The following ZNF211 variants were observed in gnomAD, a reference collection of about 807,000 sequenced individuals.
The protein encoded by ZNF211 is zinc finger protein 211.
A neutral mutation model predicts 12.1 loss-of-function variants in ZNF211; 18 were observed. The observed-to-expected ratio is 1.48, with a 90% CI of 1.03 to 2.20. ZNF211 has a LOEUF of 2.20. Ranked by LOEUF, ZNF211 falls within the 30% of genes most tolerant of loss-of-function variation. The pLI is 0.00. For synonymous variants in ZNF211, 249 were observed against 246.0 expected, an observed-to-expected ratio of 1.01 and a Z score of -0.11; for missense variants, 677 against 703.1, an observed-to-expected ratio of 0.96 and a Z score of 0.42.
chr19:57,642,803 G>C lies in ZNF211; in HGVS notation c.*622G>C, dbSNP rs963814658. Reference sequence around the variant, plus strand: ...TGGCATTTGATTCACTCTTTGAGGTGGTTCAAAAACAGAATCGGGCCCTGC... The same window carrying C: ...TGGCATTTGATTCACTCTTTGAGGTCGTTCAAAAACAGAATCGGGCCCTGC... On this transcript the variant is annotated 3_prime_UTR_variant, in exon 4 of 4. Transcript: ENST00000240731. 1.3e-5 allele frequency: 2 copies of C among 152,332 alleles called. No individual in the cohort carries two copies. The highest frequency in any genetic ancestry group is 6.5e-5 in the Admixed American group (1 of 15,298). 9.4% of individuals were successfully genotyped at this position (152,332 alleles called of 1,614,324 possible).
rs748240852 is a variant in ZNF211, at chr19:57,640,811, G to C, written c.364G>C (p.Ala122Pro). ...CAAAGAAGGTTCATCTTCCCAGAATGCCGACTCCTGTGAAATATGTTGCCT... is the reference window on the plus strand; with the variant it reads ...CAAAGAAGGTTCATCTTCCCAGAATCCCGACTCCTGTGAAATATGTTGCCT... ...TSKEGSSSQN[A>P]DSCEICCLVL... is the part of the protein sequence containing the mutation. Residue 122 changes from alanine (A) to proline (P), a missense_variant, in exon 4 of 4, where the codon GCC becomes CCC. Physicochemically the swap from Ala to Pro is conservative, Grantham distance 27. Transcript: ENST00000240731. The C allele has an allele frequency of 3.1e-6, 5 of 1,614,084 alleles. No individual in the cohort carries two copies. The Admixed American group carries it at 6.7e-5, about 22-fold the overall frequency.
Position 57,641,926 on chromosome 19 carries a change from T to C in ZNF211, c.1479T>C (p.Pro493=). Residue 493 remains proline (P), a synonymous_variant, in exon 4 of 4, where the codon CCT becomes CCC. Transcript: ENST00000240731. The part of the protein sequence containing the change: ...NHQRVHTGER[P]VECSECSKSF... ...AGAGAGTTCACACTGGAGAAAGACC[T>C]GTTGAGTGCAGTGAATGTAGCAAAT... is the stretch of plus-strand genomic sequence containing the variant. The C allele has an allele frequency of 6.2e-7, 1 of 1,614,152 alleles. No homozygotes were observed. Among genetic ancestry groups the C allele is most frequent in the Non-Finnish European group, 8.5e-7 (1 of 1,180,016 alleles).
At chr19:57,634,238 AT>A in intron 2 of ZNF211, 177 bp downstream of exon 2, 1 of 631,674 alleles carries the variant, frequency 1.6e-6, no homozygotes, top group Non-Finnish European at 2.5e-6. Flanking sequence ...CAATGTTTCC[AT>A]TTGGAGCAGC....
chr19:57,639,381 A>G lies in ZNF211; in HGVS notation c.257-1323A>G, dbSNP rs58196803. On this transcript the variant is annotated intron_variant, in intron 3 of 3. Coordinates refer to ENST00000240731, the MANE Select transcript of ZNF211 (RefSeq NM_006385.5). ...TTTTTTTTTTTTTTTTTTTTAGTGA[A>G]ACTTCCCTTGTCATTTCCTTTATGT... Among the ~76,000 whole-genome samples the G allele has an allele frequency of 1.7e-3, 149 of 86,508 alleles. 8 individuals carry two copies. In the East Asian group the frequency reaches 0.043, roughly 25 times the overall value. 56.8% of individuals were successfully genotyped at this position (86,508 alleles called of 152,430 possible).
intron 3 of ZNF211, chr19:57,640,015 T>A (rs1982683954): frequency 6.5e-7 from 1 of 1,535,862 alleles, no homozygotes; most frequent in Admixed American, 2.0e-5. Flanking sequence ...CAAGATGGGA[T>A]CAGAGAGGGC....
At chr19:57,633,542 G>A in intron 1 of ZNF211, 106 bp downstream of exon 1, 3 of 1,494,236 alleles carry the variant, frequency 2.0e-6, no homozygotes, top group Non-Finnish European at 2.7e-6. Flanking sequence ...ACTGAGGCTC[G>A]TGGGTGGGGC....
intron 1 of ZNF211, chr19:57,633,650 ACCTGGG>A: frequency 2.6e-6 from 4 of 1,534,142 alleles, no homozygotes; most frequent in Non-Finnish European, 3.5e-6. Flanking sequence ...GCATTCAGGA[ACCTGGG>A]CTCCACATTG....
In ZNF211 at chr19:57,634,136, A is replaced by T; in HGVS notation, c.129+75A>T. On this transcript the variant is annotated intron_variant, in intron 2 of 3. Transcript: ENST00000240731. ...CTCCCCAGACAGATATTTTCTTTAGATTTGTGGTGTCATGGGACTCACCTA... is the reference window on the plus strand; with the variant it reads ...CTCCCCAGACAGATATTTTCTTTAGTTTTGTGGTGTCATGGGACTCACCTA... 6.8e-6 allele frequency: 10 copies of T among 1,464,116 alleles called. No homozygotes were observed. The South Asian group carries it at 1.4e-4, about 21-fold the overall frequency. 90.7% of individuals were successfully genotyped at this position (1,464,116 alleles called of 1,614,324 possible).
At chr19:57,634,158 C>G in intron 2 of ZNF211, 97 bp downstream of exon 2, 4 of 1,337,534 alleles carry the variant, frequency 3.0e-6, no homozygotes, top group Non-Finnish European at 4.0e-6. Flanking sequence ...ATGGGACTCA[C>G]CTACCATTCT....
At position 57,642,009 on chromosome 19, in the gene ZNF211, C is replaced by T. The variant is rs772904034; in HGVS notation, c.1562C>T (p.Pro521Leu). 6.2e-7 allele frequency: 1 copy of T among 1,614,070 alleles called. No homozygotes were observed. Among genetic ancestry groups the T allele is most frequent in the Non-Finnish European group, 8.5e-7 (1 of 1,180,036 alleles). ...CTGAGAGTTCACACTGGAGAAAGGC[C>T]TTATGAGTGCAGTGAATGTGGGAAA... ...KHLRVHTGER[P>L]YECSECGKSF... The change falls in exon 4 of 4, where the codon CCT becomes CTT. Residue 521 changes from proline to leucine, a missense_variant. Pro to Leu is a moderately conservative substitution (Grantham distance 98). Transcript: ENST00000240731.
In ZNF211 at chr19:57,638,250, G is replaced by A. The variant is rs566105194; in HGVS notation, c.257-2454G>A. 2.0e-3 allele frequency among the ~76,000 whole-genome samples: 256 copies of A among 125,388 alleles called. 4 individuals are homozygous for A. Among genetic ancestry groups the A allele is most frequent in the African/African-American group, 7.0e-3 (237 of 33,778 alleles). 82.3% of individuals were successfully genotyped at this position (125,388 alleles called of 152,430 possible). A position where few individuals can be genotyped will look rare whatever the true frequency, so the allele number is the denominator to read the frequency against. ...CAAAGAAACACCTTTTGGTTTTGTTGATTTTTTTTTTATATTGTTTTTCTC... is the reference window on the plus strand; with the variant it reads ...CAAAGAAACACCTTTTGGTTTTGTTAATTTTTTTTTTATATTGTTTTTCTC... On this transcript the variant is annotated intron_variant, in intron 3 of 3. Transcript: ENST00000240731.
At position 57,640,684 on chromosome 19, in the gene ZNF211, C is replaced by A. The variant is rs780668793; in HGVS notation, c.257-20C>A. On this transcript the variant is annotated intron_variant, in intron 3 of 3. Coordinates refer to ENST00000240731, the MANE Select transcript of ZNF211 (RefSeq NM_006385.5). The stretch of plus-strand genomic sequence containing the variant: ...CTAATAAAGGTAACATGTACTTCAC[C>A]ATGATCTCTTTACTTTTAGGTTGTT... 1 of 1,608,834 alleles carries A rather than the reference C, an allele frequency of 6.2e-7. No homozygotes were observed. Among genetic ancestry groups the A allele is most frequent in the South Asian group, 1.1e-5 (1 of 90,648 alleles).
At chr19:57,639,849 C>CT in intron 3 of ZNF211, 2 of 1,430,596 alleles carry the variant, frequency 1.4e-6, no homozygotes, top group Admixed American at 2.7e-5. Context: ...TTTCCTTGTT[C>CT]TTTTTTGTGC....
chr19:57,633,371 C>T lies in ZNF211; in HGVS notation c.25C>T (p.Pro9Ser). Residue 9 changes from proline to serine, a missense_variant, in exon 1 of 4, where the codon CCG becomes TCG. Coordinates refer to ENST00000240731, the MANE Select transcript of ZNF211 (RefSeq NM_006385.5). MLGFPPGR[P>S]QLPVQLRPQT... The stretch of plus-strand genomic sequence containing the variant: ...GATGCTCGGGTTCCCCCCGGGTCGC[C>T]CGCAGCTCCCGGTCCAGCTCCGCCC... The T allele has an allele frequency of 6.2e-7, 1 of 1,600,414 alleles. No homozygotes were observed. Among genetic ancestry groups the T allele is most frequent in the Non-Finnish European group, 8.5e-7 (1 of 1,176,552 alleles).
intron 1 of ZNF211, chr19:57,633,758 T>C (rs1481878731): frequency 6.5e-7 from 1 of 1,534,924 alleles, no homozygotes; most frequent in Non-Finnish European, 8.7e-7. Flanking sequence ...AGACACCATC[T>C]GAGTTAAATT....
rs369038397 is a variant in ZNF211, at chr19:57,634,916, G to T, written c.256+161G>T. 9 of 985,240 alleles carry T rather than the reference G, an allele frequency of 9.1e-6. No homozygotes were observed. The African/African-American group carries it at 1.2e-4, about 13-fold the overall frequency. 61.0% of individuals were successfully genotyped at this position (985,240 alleles called of 1,614,324 possible). ...TGAGTGCAAGCCTACTTCCCTTATC[G>T]TCCCAGCCCAAAAGCATCTTGGGTA... On this transcript the variant is annotated intron_variant, in intron 3 of 3. Transcript: ENST00000240731.
rs1422406343 is a variant in ZNF211 at position 57,634,751 on chromosome 19, C to T, written c.252C>T (p.Ser84=). The T allele has an allele frequency of 2.5e-6, 4 of 1,593,480 alleles. No homozygotes were observed. Among genetic ancestry groups the T allele is most frequent in the East Asian group, 2.3e-5 (1 of 43,868 alleles). The change falls in exon 3 of 4, where the codon TCC becomes TCT. Residue 84 remains serine, a synonymous_variant. Coordinates refer to ENST00000240731, the MANE Select transcript of ZNF211 (RefSeq NM_006385.5). ...VMLENFALTS[S]LGCWCGVEHE... ...TGGAGAACTTTGCACTTACGTCCTC[C>T]CTGGGTAAGGCCCTCATACTCACCC...
rs765678912 is a variant in ZNF211 at position 57,633,423 on chromosome 19, G to T, written c.77G>T (p.Arg26Met). The T allele has an allele frequency of 6.2e-7, 1 of 1,601,624 alleles. No individual in the cohort carries two copies. Among genetic ancestry groups the T allele is most frequent in the Non-Finnish European group, 8.5e-7 (1 of 1,178,126 alleles). ...CAGACTCGGATGGCGACCGCACTGAGGGACCCGGCTTCGGTGAGCGCTGCG... is the reference window on the plus strand; with the variant it reads ...CAGACTCGGATGGCGACCGCACTGATGGACCCGGCTTCGGTGAGCGCTGCG... The part of the protein sequence containing the change: ...RPQTRMATAL[R>M]DPASVPIATE... The change falls in exon 1 of 4, where the codon AGG becomes ATG. Residue 26 changes from arginine to methionine, a missense_variant. By Grantham distance (91) the Arg-to-Met change is moderately conservative. Transcript: ENST00000240731.
chr19:57,641,099 G>A lies in ZNF211; in HGVS notation c.652G>A (p.Ala218Thr), dbSNP rs141747469. ...LANMRFLHQD[A>T]TQTGEKPNNS... Reference sequence around the variant, plus strand: ...CAACATGAGGTTTCTCCATCAAGACGCCACTCAAACAGGGGAGAAGCCAAA... The same window carrying A: ...CAACATGAGGTTTCTCCATCAAGACACCACTCAAACAGGGGAGAAGCCAAA... Residue 218 changes from alanine (A) to threonine (T), a missense_variant, in exon 4 of 4, where the codon GCC (alanine) becomes ACC (threonine). By Grantham distance (58) the Ala-to-Thr change is moderately conservative. Transcript: ENST00000240731. 2.5e-4 allele frequency: 397 copies of A among 1,614,160 alleles called. 4 individuals carry two copies. The South Asian group carries it at 2.9e-3, about 12-fold the overall frequency.
Sources: gnomAD v4.1 joint callset for allele counts (sites outside exome capture counted in the v4.1 genomes callset) on GRCh38, gnomAD v4.1.1 for gene constraint, MANE v1.5 for transcripts, NCBI Gene and HGNC (gene_info 2026-07-23, HGNC 2026-07-21) for gene names.